Variants in HIVEP1 observed in about 807,000 individuals in gnomAD.
HIVEP1 encodes zinc finger protein 40.
HIVEP1 carries 36 observed loss-of-function variants against 180.0 expected under a neutral mutation model. The observed-to-expected ratio is 0.20, with a 90% CI of 0.15 to 0.26. The LOEUF is 0.26. Ranked by LOEUF, HIVEP1 falls within the 10% of genes least tolerant of loss-of-function variation. The pLI, the probability that HIVEP1 is intolerant of heterozygous loss-of-function variation, is 1.00. For synonymous variants in HIVEP1, 1,239 were observed against 1,239.0 expected (o/e 1.00, Z 0.00); for missense variants, 3,143 against 3,268.7 (o/e 0.96, Z 0.94).
chr6:12,012,949 C>T (rs1240781405), intron 1 of HIVEP1, among the ~76,000 whole-genome samples: 2 of 152,130 alleles, frequency 1.3e-5, no homozygotes, highest in South Asian at 2.1e-4. Context: ...TACTCCCGGC[C>T]ACCTGGGTAG....
intron 2 of HIVEP1, among the ~76,000 whole-genome samples, chr6:12,042,072 CTTT>C (rs551684741): frequency 1.6e-5 from 2 of 128,136 alleles, no homozygotes; most frequent in African/African-American, 3.0e-5. Flanking sequence ...TATTCGTACG[CTTT>C]TTTTTTTTTT....
At chr6:12,041,535 A>G (rs1769725928) in intron 2 of HIVEP1, among the ~76,000 whole-genome samples, 1 of 150,976 alleles carries the variant, frequency 6.6e-6, no homozygotes. Context: ...CCAACTTAAG[A>G]ATTTGGTGTA....
chr6:12,081,537 A>G (rs1388286947), intron 2 of HIVEP1, among the ~76,000 whole-genome samples: 2 of 152,136 alleles, frequency 1.3e-5, no homozygotes, highest in Middle Eastern at 3.4e-3. Flanking sequence ...CTCTGGCCTC[A>G]GAGAACAGCC....
intron 4 of HIVEP1, among the ~76,000 whole-genome samples, chr6:12,126,229 T>A (rs1181211567): frequency 3.9e-5 from 6 of 152,224 alleles, no homozygotes; most frequent in African/African-American, 1.2e-4. Flanking sequence ...AAGGAAATCA[T>A]GGTTATGCTT....
chr6:12,079,438 A>T (rs1323712559), intron 2 of HIVEP1, among the ~76,000 whole-genome samples: 1 of 152,206 alleles, frequency 6.6e-6, no homozygotes, highest in Non-Finnish European at 1.5e-5. Flanking sequence ...CATGAAGTGC[A>T]CATTGAACTT....
the HIVEP1 span, among the ~76,000 whole-genome samples, chr6:12,203,841 C>T: frequency 2.0e-5 from 3 of 152,200 alleles, no homozygotes; most frequent in African/African-American, 7.2e-5. Flanking sequence ...CTTTGGGGGG[C>T]CAAGGCAAGT....
intron 2 of HIVEP1, among the ~76,000 whole-genome samples, chr6:12,083,193 G>A (rs1248421875): frequency 1.3e-5 from 2 of 152,002 alleles, no homozygotes; most frequent in African/African-American, 4.8e-5. Flanking sequence ...CATCTTCATG[G>A]CGCAAAATGT....
Position 12,164,126 on chromosome 6 carries a change from C to A in HIVEP1, c.7822C>A (p.Arg2608=). 6.2e-7 allele frequency: 1 copy of A among 1,614,112 alleles called. No individual in the cohort carries two copies. Among genetic ancestry groups the A allele is most frequent in the Non-Finnish European group, 8.5e-7 (1 of 1,180,004 alleles). ...TCCTCAGGGGTTACCTACAGTCCAG[C>A]GGGAAAATGCAAAAAAAGTTCTGAA... ...ESPQGLPTVQ[R]ENAKKVLNPP... Residue 2608 remains arginine (R), a synonymous_variant, in exon 9 of 9, where the codon CGG becomes AGG. Transcript: ENST00000379388.
intron 2 of HIVEP1, chr6:12,020,479 CTG>C (rs1768113864): frequency 2.1e-6 from 1 of 470,740 alleles, no homozygotes; most frequent in African/African-American, 2.0e-5. Context: ...CATCGCTGCT[CTG>C]TGGAGGGGTT....
intron 7 of HIVEP1, among the ~76,000 whole-genome samples, chr6:12,159,450 G>A (rs538562858): frequency 5.7e-4 from 86 of 151,966 alleles, no homozygotes; most frequent in Middle Eastern, 3.4e-3. Flanking sequence ...TCAAATTGAG[G>A]ATGACTCGAA....
chr6:12,043,355 A>ATTTTTT (rs1304144063), intron 2 of HIVEP1, among the ~76,000 whole-genome samples: 1 of 109,902 alleles, frequency 9.1e-6, no homozygotes, highest in Non-Finnish European at 1.8e-5. Context: ...CTAAGTGAAA[A>ATTTTTT]TTTTTTTTTT....
At chr6:12,022,124 A>G (rs1768265193) in intron 2 of HIVEP1, among the ~76,000 whole-genome samples, 1 of 152,138 alleles carries the variant, frequency 6.6e-6, no homozygotes, top group Admixed American at 6.5e-5. Context: ...CAGATAAACC[A>G]GGTGGTTATT....
At chr6:12,016,742 G>A (rs1767776641) in intron 2 of HIVEP1, among the ~76,000 whole-genome samples, 1 of 152,226 alleles carries the variant, frequency 6.6e-6, no homozygotes, top group Non-Finnish European at 1.5e-5. Context: ...AGTGTGGTGT[G>A]TGGAAATCTG....
downstream of HIVEP1, among the ~76,000 whole-genome samples, chr6:12,169,224 A>G (rs1426428174): frequency 2.0e-5 from 3 of 152,192 alleles, no homozygotes; most frequent in Non-Finnish European, 4.4e-5. Context: ...AATTTACAAT[A>G]GATTCATTGG....
the HIVEP1 span, among the ~76,000 whole-genome samples, chr6:12,183,974 A>AAGATAGATAGATAGAT: frequency 1.1e-3 from 147 of 134,828 alleles, no homozygotes; most frequent in South Asian, 2.3e-3. Context: ...TCACATTGTA[A>AAGATAGATAGATAGAT]AGATAGATAG....
chr6:12,066,803 G>A (rs1404788229), intron 2 of HIVEP1, among the ~76,000 whole-genome samples: 2 of 151,884 alleles, frequency 1.3e-5, no homozygotes, highest in Admixed American at 6.6e-5. Flanking sequence ...CAGTGAAAAC[G>A]AATAACTAGA....
upstream of HIVEP1, among the ~76,000 whole-genome samples, chr6:12,011,270 T>TCCCC (rs76242358): frequency 1.4e-5 from 1 of 71,632 alleles, no homozygotes; most frequent in Admixed American, 1.7e-4. Context: ...CCCCTTGGGG[T>TCCCC]CCCCCCCCCC....
At chr6:12,051,014 A>ATATATATATATATATATATATG (rs1561890272) in intron 2 of HIVEP1, among the ~76,000 whole-genome samples, 6 of 132,760 alleles carry the variant, frequency 4.5e-5, no homozygotes, top group Non-Finnish European at 1.6e-5. Flanking sequence ...ATATATATAT[A>ATATATATATATATATATATATG]TATATATATA....
chr6:12,189,275 T>TA, the HIVEP1 span, among the ~76,000 whole-genome samples: 3 of 151,880 alleles, frequency 2.0e-5, no homozygotes, highest in Admixed American at 6.6e-5. Flanking sequence ...ATATGAGAGT[T>TA]AAAAAAACAC....
Sources: allele counts gnomAD v4.1 joint callset (sites outside exome capture counted in the v4.1 genomes callset), GRCh38; gene constraint gnomAD v4.1.1; transcripts MANE v1.5; gene names NCBI Gene and HGNC (gene_info 2026-07-23, HGNC 2026-07-21).